TNFSF8: variants seen among roughly 807,000 people sequenced by gnomAD.
The protein encoded by TNFSF8 is TNF superfamily member 8.
In TNFSF8, 4 loss-of-function variants were observed where a neutral mutation model predicts 22.0. The ratio of observed to expected loss-of-function variants is 0.18; its 90% CI spans 0.09 to 0.42. The LOEUF is 0.42. Among genes scored for constraint, TNFSF8 ranks in the 10% least tolerant of loss-of-function variants. The pLI is 1.00. For synonymous variants in TNFSF8, 106 were observed against 112.5 expected (o/e 0.94, Z 0.37); for missense variants, 233 against 281.8 (o/e 0.83, Z 1.24).
rs3181195 is a variant in TNFSF8 at position 114,905,862 on chromosome 9, C to T, written c.276G>A (p.Arg92=). The change falls in exon 3 of 4, where the codon AGG becomes AGA. Residue 92 remains arginine (R), a synonymous_variant. Transcript: ENST00000223795. The part of the protein sequence containing the change: ...CSEDLLCILK[R]APFKKSWAYL... ...AGGCCCATGACTTCTTGAATGGAGC[C>T]CTTTTCAGGATACATAAGAGGTCTT... 0.39 allele frequency: 630,937 copies of T among 1,607,498 alleles called. 126,273 individuals are homozygous for T. Among genetic ancestry groups the T allele is most frequent in the Admixed American group, 0.45 (26,600 of 59,736 alleles).
Position 114,902,902 on chromosome 9 carries a change from A to C in TNFSF8, c.*1029T>G. 25 of 358,322 alleles carry C rather than the reference A, an allele frequency of 7.0e-5. No homozygotes were observed. The highest frequency in any genetic ancestry group is 9.0e-5 in the Non-Finnish European group (23 of 256,670). The allele number at this position is 358,322 out of a possible 1,614,324, so 22.2% of individuals were successfully genotyped here. A position where few individuals can be genotyped will look rare whatever the true frequency, so the allele number is the denominator to read the frequency against. On this transcript the variant is annotated 3_prime_UTR_variant, in exon 4 of 4. Coordinates refer to ENST00000223795, the MANE Select transcript of TNFSF8 (RefSeq NM_001244.4). ...ATTTTGTATACAAGTTTAATTTCTCATACCAGAAGCCGGGCTTAGTCACCC... is the reference window on the plus strand; with the variant it reads ...ATTTTGTATACAAGTTTAATTTCTCCTACCAGAAGCCGGGCTTAGTCACCC...
downstream of TNFSF8, among the ~76,000 whole-genome samples, chr9:114,896,889 T>C (rs1827660884): frequency 1.3e-5 from 2 of 152,170 alleles, no homozygotes; most frequent in African/African-American, 4.8e-5. Context: ...TCCTGAGCCC[T>C]GAAAATTCTT....
At chr9:114,910,701 C>A (rs143276126) in intron 2 of TNFSF8, among the ~76,000 whole-genome samples, 1 of 152,292 alleles carries the variant, frequency 6.6e-6, no homozygotes, top group Non-Finnish European at 1.5e-5. Flanking sequence ...TGCCAAGTTA[C>A]AAGTCATGGG....
Position 114,903,601 on chromosome 9 carries a change from TG to T in TNFSF8, c.*329del. The T allele has an allele frequency of 1.4e-6, 1 of 724,916 alleles. No individual in the cohort carries two copies. Among genetic ancestry groups the T allele is most frequent in the Non-Finnish European group, 1.7e-6 (1 of 583,808 alleles). The allele number at this position is 724,916 out of a possible 1,614,324, so 44.9% of individuals were successfully genotyped here. ...TCTGGTACTGGAGCCCCATTTTAAC[TG>T]GAGGCTCTCAAAACAGAAGAAATAG... On this transcript the variant is annotated 3_prime_UTR_variant, in exon 4 of 4. Coordinates refer to ENST00000223795, the MANE Select transcript of TNFSF8 (RefSeq NM_001244.4).
At chr9:114,921,240 C>G (rs907262910) in intron 1 of TNFSF8, among the ~76,000 whole-genome samples, 1 of 152,180 alleles carries the variant, frequency 6.6e-6, no homozygotes, top group African/African-American at 2.4e-5. Flanking sequence ...AGAAGCGTGA[C>G]TATTCCTATT....
downstream of TNFSF8, among the ~76,000 whole-genome samples, chr9:114,898,834 T>C (rs1000198621): frequency 2.0e-5 from 3 of 152,142 alleles, no homozygotes; most frequent in African/African-American, 7.2e-5. Flanking sequence ...GAGAAACCTA[T>C]AATGCGACTC....
At chr9:114,920,304 G>A (rs1366902561) in intron 1 of TNFSF8, among the ~76,000 whole-genome samples, 1 of 152,178 alleles carries the variant, frequency 6.6e-6, no homozygotes, top group Non-Finnish European at 1.5e-5. Context: ...CATATACAGG[G>A]ACAGTGAGAG....
At chr9:114,925,284 C>T (rs1444273261) in intron 1 of TNFSF8, among the ~76,000 whole-genome samples, 1 of 152,146 alleles carries the variant, frequency 6.6e-6, no homozygotes, top group Non-Finnish European at 1.5e-5. Flanking sequence ...AAATAGCATG[C>T]AGTTTCTATA....
At chr9:114,921,377 G>A (rs184432397) in intron 1 of TNFSF8, among the ~76,000 whole-genome samples, 1 of 152,292 alleles carries the variant, frequency 6.6e-6, no homozygotes, top group East Asian at 1.9e-4. Context: ...TTATGGAGGA[G>A]GAAACCAAGG....
intron 3 of TNFSF8, 147 bp downstream of exon 3, chr9:114,905,681 C>CA (rs1827775801): frequency 1.4e-6 from 1 of 710,258 alleles, no homozygotes; most frequent in Non-Finnish European, 2.5e-6. Flanking sequence ...ATTCAAATTA[C>CA]AAAAAAATTT....
At chr9:114,896,213 G>A (rs376318737), downstream of TNFSF8, among the ~76,000 whole-genome samples, 1 of 152,310 alleles carries the variant, frequency 6.6e-6, no homozygotes, top group African/African-American at 2.4e-5. Flanking sequence ...ATATTAAAAT[G>A]CAGATTCTGT....
intron 1 of TNFSF8, among the ~76,000 whole-genome samples, chr9:114,918,900 G>C (rs1034038390): frequency 2.0e-5 from 3 of 152,182 alleles, no homozygotes; most frequent in Non-Finnish European, 4.4e-5. Context: ...CACTCGGCTA[G>C]AGCCAGGACT....
chr9:114,911,624 C>A (rs1013857966), intron 2 of TNFSF8, among the ~76,000 whole-genome samples: 1 of 152,080 alleles, frequency 6.6e-6, no homozygotes, highest in South Asian at 2.1e-4. Flanking sequence ...TTGGAGAATG[C>A]CCATATGAAC....
downstream of TNFSF8, among the ~76,000 whole-genome samples, chr9:114,899,345 A>ATT (rs917553729): frequency 1.1e-4 from 16 of 143,930 alleles, no homozygotes; most frequent in African/African-American, 3.3e-4. Flanking sequence ...GTAAGTTATT[A>ATT]TTTTTTTTTT....
intron 2 of TNFSF8, among the ~76,000 whole-genome samples, chr9:114,907,356 G>T (rs558774690): frequency 1.3e-5 from 2 of 152,274 alleles, no homozygotes; most frequent in African/African-American, 4.8e-5. Context: ...GGTCCTGCCT[G>T]TTGCAGCCCA....
At position 114,926,658 on chromosome 9, in the gene TNFSF8, G is replaced by A. The variant is rs76024353; in HGVS notation, c.195+3451C>T. Reference sequence around the variant, plus strand: ...GAAGGATCTCTAAGATATACAGTGTGTTGTCAAGTGAATAAAGCAAGATGC... The same window carrying A: ...GAAGGATCTCTAAGATATACAGTGTATTGTCAAGTGAATAAAGCAAGATGC... On this transcript the variant is annotated intron_variant, in intron 1 of 3. Transcript: ENST00000223795. 3.5e-3 allele frequency among the ~76,000 whole-genome samples: 528 copies of A among 152,190 alleles called. 5 individuals are homozygous for A. The highest frequency in any genetic ancestry group is 0.012 in the African/African-American group (508 of 41,516).
intron 2 of TNFSF8, among the ~76,000 whole-genome samples, chr9:114,906,573 T>C (rs1455117619): frequency 6.6e-6 from 1 of 152,230 alleles, no homozygotes; most frequent in African/African-American, 2.4e-5. Context: ...TGTTCTAGGC[T>C]ATTTTGCTAG....
At chr9:114,900,476 T>C (rs961875063), downstream of TNFSF8, among the ~76,000 whole-genome samples, 1 of 152,196 alleles carries the variant, frequency 6.6e-6, no homozygotes, top group African/African-American at 2.4e-5. Context: ...ATCTCCATTA[T>C]TTCCCACCAG....
At chr9:114,929,745 CCAATAGCT>C (rs1396643497) in intron 1 of TNFSF8, among the ~76,000 whole-genome samples, 1 of 151,756 alleles carries the variant, frequency 6.6e-6, no homozygotes, top group African/African-American at 2.4e-5. Flanking sequence ...CTTTAAAAGG[CCAATAGCT>C]CCCCTCCACT....
Sources: allele counts gnomAD v4.1 joint callset (sites outside exome capture counted in the v4.1 genomes callset), GRCh38; gene constraint gnomAD v4.1.1; transcripts MANE v1.5; gene names NCBI Gene and HGNC (gene_info 2026-07-23, HGNC 2026-07-21).